Variants in CCDC191 observed in about 807,000 individuals in gnomAD.
The protein encoded by CCDC191 is coiled-coil domain containing 191.
A neutral mutation model predicts 114.0 loss-of-function variants in CCDC191; 99 were observed. That is an observed-to-expected ratio of 0.87 (90% confidence interval 0.74 to 1.03). The LOEUF (loss-of-function observed/expected upper bound fraction) is 1.03. CCDC191 is among the 50% of genes least tolerant of loss of function. CCDC191 has a pLI of 0.00. For synonymous variants in CCDC191, 351 were observed against 376.0 expected (o/e 0.93, Z 0.77); for missense variants, 973 against 1,087.0 (o/e 0.90, Z 1.47).
intron 1 of CCDC191, among the ~76,000 whole-genome samples, chr3:114,055,742 T>C (rs1218451303): frequency 6.6e-6 from 1 of 152,214 alleles, no homozygotes; most frequent in Non-Finnish European, 1.5e-5. Flanking sequence ...ACATGTCACA[T>C]ATGTTTCAAG....
At chr3:114,004,520 G>A (rs750413470) in intron 11 of CCDC191, 117 bp downstream of exon 11, 6 of 1,477,600 alleles carry the variant, frequency 4.1e-6, no homozygotes, top group Admixed American at 2.2e-5. Context: ...GATTTTTGAT[G>A]TCAGGTTCTG....
chr3:114,035,283 T>C (rs377510242), intron 5 of CCDC191, 135 bp from the exon 6 acceptor site: 9 of 638,846 alleles, frequency 1.4e-5, no homozygotes, highest in African/African-American at 7.3e-5. Context: ...TGTTTATTGG[T>C]AGGAAAGGAG....
chr3:114,035,632 T>C (rs1476199206), intron 5 of CCDC191, among the ~76,000 whole-genome samples: 2 of 152,174 alleles, frequency 1.3e-5, no homozygotes, highest in Non-Finnish European at 2.9e-5. Flanking sequence ...TATGTAAATA[T>C]AGCAGTGATT....
intron 4 of CCDC191, among the ~76,000 whole-genome samples, chr3:114,042,190 T>A (rs1173900814): frequency 6.6e-6 from 1 of 152,192 alleles, no homozygotes; most frequent in African/African-American, 2.4e-5. Context: ...GAATTATAAA[T>A]ACAGTTGGCC....
intron 16 of CCDC191, among the ~76,000 whole-genome samples, chr3:113,966,487 G>C (rs1021700782): frequency 2.0e-5 from 3 of 152,172 alleles, no homozygotes; most frequent in African/African-American, 7.2e-5. Flanking sequence ...TGGTGGTGAG[G>C]AGCAGACCTT....
chr3:114,036,459 G>A (rs2107736257), intron 5 of CCDC191, 149 bp downstream of exon 5: 2 of 461,468 alleles, frequency 4.3e-6, no homozygotes, highest in East Asian at 3.4e-5. Context: ...TTCTTCTGAA[G>A]TTCTTATATT....
chr3:114,005,804 A>G lies in CCDC191; in HGVS notation c.1572T>C (p.Gly524=). ...TGCCAGGCTGTTGAGAGGGTTCAGCACCCAGGGTCTTGTGCTGCTTATTGC... is the reference window on the plus strand; with the variant it reads ...TGCCAGGCTGTTGAGAGGGTTCAGCGCCCAGGGTCTTGTGCTGCTTATTGC... The part of the protein sequence containing the change: ...APGNKQHKTL[G]AEPSQQPGSN... The change falls in exon 10 of 17, where the codon GGT becomes GGC. Residue 524 remains glycine (G), a synonymous_variant. Transcript: ENST00000295878. 6.2e-7 allele frequency: 1 copy of G among 1,613,988 alleles called. No individual in the cohort carries two copies. The highest frequency in any genetic ancestry group is 8.5e-7 in the Non-Finnish European group (1 of 1,179,978).
chr3:114,001,849 C>T (rs2075862370), intron 12 of CCDC191, 153 bp from the exon 13 acceptor site: 2 of 864,544 alleles, frequency 2.3e-6, no homozygotes, highest in African/African-American at 3.4e-5. Context: ...ACTCAATCAA[C>T]CTGTCATCAG....
At chr3:113,970,011 T>G (rs1183194019) in intron 16 of CCDC191, among the ~76,000 whole-genome samples, 5 of 152,210 alleles carry the variant, frequency 3.3e-5, no homozygotes, top group African/African-American at 9.6e-5. Flanking sequence ...GTTTGTGTCC[T>G]CTTCAATTTC....
intron 8 of CCDC191, among the ~76,000 whole-genome samples, chr3:114,013,387 C>T (rs1218624030): frequency 6.6e-6 from 1 of 152,204 alleles, no homozygotes; most frequent in Non-Finnish European, 1.5e-5. Flanking sequence ...TCTTGTAGCT[C>T]ACTTCAGCAG....
In CCDC191 at chr3:114,031,767, C is replaced by G; in HGVS notation, c.831G>C (p.Arg277Ser). The change falls in exon 7 of 17, where the codon AGG becomes AGC. Residue 277 changes from arginine (R) to serine (S), a missense_variant. Coordinates refer to ENST00000295878, the MANE Select transcript of CCDC191 (RefSeq NM_020817.2). ...VKAAWKIEKK[R>S]QEENSQNSSE... Reference sequence around the variant, plus strand: ...AACTATTTTGAGAATTCTCTTCTTGCCTTTTCTTCTCTCTATTAATAACAA... The same window carrying G: ...AACTATTTTGAGAATTCTCTTCTTGGCTTTTCTTCTCTCTATTAATAACAA... 1 of 1,400,680 alleles carries G rather than the reference C, an allele frequency of 7.1e-7. No individual in the cohort carries two copies. The highest frequency in any genetic ancestry group is 1.0e-6 in the Non-Finnish European group (1 of 995,734). The allele number at this position is 1,400,680 out of a possible 1,614,324, so 86.8% of individuals were successfully genotyped here.
At chr3:113,967,400 T>C (rs762765098) in intron 16 of CCDC191, among the ~76,000 whole-genome samples, 32 of 152,120 alleles carry the variant, frequency 2.1e-4, no homozygotes, top group Non-Finnish European at 3.2e-4. Context: ...CCTACATTTC[T>C]CTTTCTTTCC....
chr3:113,983,980 A>G (rs2075266119), intron 13 of CCDC191: 1 of 152,192 alleles, frequency 6.6e-6, no homozygotes, highest in African/African-American at 2.4e-5. Flanking sequence ...GTGGCACCCA[A>G]CATGCTTTTC....
chr3:114,040,852 ATC>A (rs2076550390), intron 4 of CCDC191, among the ~76,000 whole-genome samples: 1 of 152,158 alleles, frequency 6.6e-6, no homozygotes, highest in Non-Finnish European at 1.5e-5. Context: ...AATGGCCTTT[ATC>A]AAGTTGAAGA....
At position 113,978,241 on chromosome 3, in the gene CCDC191, C is replaced by T; in HGVS notation, c.2551G>A (p.Glu851Lys). The part of the protein sequence containing the change: ...IFRAWFNMVR[E>K]VKIDSQGKHE... ...TTGCCCTGAGAATCGATCTTCACCT[C>T]CCTGACCATGTTAAACCAGGCCCTG... is the stretch of plus-strand genomic sequence containing the variant. Residue 851 changes from glutamate to lysine, a missense_variant, in exon 16 of 17, where the codon GAG (glutamate) becomes AAG (lysine). Glu to Lys is a moderately conservative substitution (Grantham distance 56). Coordinates refer to ENST00000295878, the MANE Select transcript of CCDC191 (RefSeq NM_020817.2). 5.0e-6 allele frequency: 8 copies of T among 1,614,062 alleles called. No homozygotes were observed. Among genetic ancestry groups the T allele is most frequent in the Non-Finnish European group, 6.8e-6 (8 of 1,179,960 alleles).
chr3:114,001,864 G>A (rs1053019052), intron 12 of CCDC191, 168 bp from the exon 13 acceptor site: 26 of 742,596 alleles, frequency 3.5e-5, no homozygotes, highest in Admixed American at 6.3e-5. Flanking sequence ...CATCAGTTAC[G>A]TAACTTAAAA....
In CCDC191 at chr3:113,995,871, G is replaced by C. The variant is rs1039489645; in HGVS notation, c.2163+5724C>G. Among the ~76,000 whole-genome samples the C allele has an allele frequency of 3.3e-5, 5 of 152,212 alleles. No homozygotes were observed. The East Asian group carries it at 9.6e-4, about 29-fold the overall frequency. On this transcript the variant is annotated intron_variant, in intron 13 of 16. Coordinates refer to ENST00000295878, the MANE Select transcript of CCDC191 (RefSeq NM_020817.2). Reference sequence around the variant, plus strand: ...TGGTTTTGATTTGCATTTCTCTAATGATCAGTGATGATGAGCTTTTTTCTC... The same window carrying C: ...TGGTTTTGATTTGCATTTCTCTAATCATCAGTGATGATGAGCTTTTTTCTC...
chr3:113,993,509 T>C (rs1215152051), intron 13 of CCDC191, among the ~76,000 whole-genome samples: 1 of 152,186 alleles, frequency 6.6e-6, no homozygotes, highest in African/African-American at 2.4e-5. Context: ...GATAGTCTTC[T>C]AAACAAATGA....
chr3:113,980,832 ACGAATGAGTTTCATTTCAATGAAAAG>A, intron 13 of CCDC191, 39 bp from the exon 14 acceptor site: 1 of 1,555,428 alleles, frequency 6.4e-7, no homozygotes, highest in Non-Finnish European at 8.7e-7. Context: ...TGATCAAAAA[ACGAATGAGTTTCATTTCAATGAAAAG>A]CTAATGAATT....
Sources: gnomAD v4.1 joint callset for allele counts (sites outside exome capture counted in the v4.1 genomes callset) on GRCh38, gnomAD v4.1.1 for gene constraint, MANE v1.5 for transcripts, NCBI Gene and HGNC (gene_info 2026-07-23, HGNC 2026-07-21) for gene names.